Variants in IFT46 observed in about 807,000 individuals in gnomAD.
IFT46 encodes the protein intraflagellar transport protein 46 homolog.
Under a neutral mutation model 39.6 loss-of-function variants are expected in IFT46, and 19 were observed. That is an observed-to-expected ratio of 0.48 (90% CI 0.33 to 0.70). The LOEUF (loss-of-function observed/expected upper bound fraction) is 0.70. Ranked by LOEUF, IFT46 falls within the 30% of genes least tolerant of loss-of-function variation. The pLI is 0.01. For synonymous variants in IFT46, 117 were observed against 134.8 expected (o/e 0.87, Z 0.91); for missense variants, 334 against 364.8 (o/e 0.92, Z 0.69).
At chr11:118,562,594 T>A (rs1279626981) in intron 2 of IFT46, among the ~76,000 whole-genome samples, 1 of 152,148 alleles carries the variant, frequency 6.6e-6, no homozygotes, top group African/African-American at 2.4e-5. Flanking sequence ...AATTATAATA[T>A]CCACAGCTGT....
rs782457645 is a variant in IFT46, at chr11:118,552,333, T to C, written c.486A>G (p.Gln162=). Residue 162 remains glutamine (Q), a splice_region_variant and synonymous_variant, in exon 8 of 12, where the codon CAA becomes CAG. Transcript: ENST00000264021. ...CTTCTAGGCTTTTTACTTTCATATG[T>C]TGCTAGGAAAGTAAGGAGAAAGCCT... The part of the protein sequence containing the change: ...TENSKQHNIT[Q]HMKVKSLEDA... 1.9e-6 allele frequency: 3 copies of C among 1,614,096 alleles called. No homozygotes were observed. Among genetic ancestry groups the C allele is most frequent in the Middle Eastern group, 1.7e-4 (1 of 6,044 alleles).
chr11:118,545,416 T>A lies in IFT46; in HGVS notation c.812A>T (p.Asn271Ile), dbSNP rs1009843048. 6.2e-7 allele frequency: 1 copy of A among 1,609,946 alleles called. No individual in the cohort carries two copies. Among genetic ancestry groups the A allele is most frequent in the African/African-American group, 1.3e-5 (1 of 74,804 alleles). Reference sequence around the variant, plus strand: ...CCCTGATGCTTGGCTCACCTGTGAGTTCTTGAATTCTGAGTAGAGGGAAAA... The same window carrying A: ...CCCTGATGCTTGGCTCACCTGTGAGATCTTGAATTCTGAGTAGAGGGAAAA... The part of the protein sequence containing the change: ...LLFSLYSEFK[N>I]SQHFKALAEG... The change falls in exon 11 of 12, where the codon AAC becomes ATC. Residue 271 changes from asparagine to isoleucine, a missense_variant. By Grantham distance (149) the Asn-to-Ile change is moderately radical. Coordinates refer to ENST00000264021, the MANE Select transcript of IFT46 (RefSeq NM_001168618.2).
At chr11:118,560,782 TC>T in intron 2 of IFT46, 1 of 718,866 alleles carries the variant, frequency 1.4e-6, no homozygotes, top group Non-Finnish European at 2.5e-6. Flanking sequence ...CTGGTTACTA[TC>T]CTCAGAAATG....
chr11:118,561,390 T>C (rs868918383), intron 2 of IFT46: 28 of 834,864 alleles, frequency 3.4e-5, no homozygotes, highest in South Asian at 3.1e-4. Context: ...ACTCCAGACA[T>C]GATGGAAGAG....
upstream of IFT46, chr11:118,573,526 A>C (rs1938406929): frequency 1.9e-6 from 1 of 537,666 alleles, no homozygotes; most frequent in African/African-American, 2.0e-5. Context: ...CTTTGGTTTC[A>C]AAAAAGCTAG....
chr11:118,546,344 A>T, intron 9 of IFT46: 1 of 577,544 alleles, frequency 1.7e-6, no homozygotes, highest in African/African-American at 1.9e-5. Flanking sequence ...CAAAAAAATT[A>T]GCCGGGTGTG....
upstream of IFT46, chr11:118,573,712 G>T: frequency 5.7e-6 from 4 of 698,754 alleles, no homozygotes; most frequent in South Asian, 6.0e-5. Context: ...CAACCCTTTA[G>T]ATAAGAACTT....
intron 2 of IFT46, among the ~76,000 whole-genome samples, chr11:118,563,573 C>T (rs1450213768): frequency 1.3e-5 from 2 of 152,100 alleles, no homozygotes; most frequent in Non-Finnish European, 2.9e-5. Context: ...TCTTTATTCT[C>T]AGCTTCCTCA....
upstream of IFT46, among the ~76,000 whole-genome samples, chr11:118,567,094 AT>A (rs538399331): frequency 2.6e-5 from 4 of 151,662 alleles, no homozygotes; most frequent in Admixed American, 1.3e-4. Context: ...TAAAAAAAAA[AT>A]TTTTTTTAAT....
chr11:118,576,240 T>C (rs1938497696), upstream of IFT46, among the ~76,000 whole-genome samples: 1 of 151,846 alleles, frequency 6.6e-6, no homozygotes, highest in Non-Finnish European at 1.5e-5. Context: ...AAAGATAGTG[T>C]ACTCAAACCA....
At chr11:118,569,077 T>C (rs1458394647), upstream of IFT46, among the ~76,000 whole-genome samples, 1 of 149,226 alleles carries the variant, frequency 6.7e-6, no homozygotes, top group Non-Finnish European at 1.5e-5. Flanking sequence ...GGTTAGGAGT[T>C]CAAGACCAGC....
intron 11 of IFT46, 111 bp downstream of exon 11, chr11:118,545,298 T>A (rs1390978212): frequency 2.4e-6 from 2 of 848,632 alleles, no homozygotes; most frequent in African/African-American, 3.4e-5. Context: ...CGAAGGTAAC[T>A]GGGCAGAGAC....
At chr11:118,547,772 A>T (rs1320945646) in intron 9 of IFT46, among the ~76,000 whole-genome samples, 20 of 126,952 alleles carry the variant, frequency 1.6e-4, no homozygotes, top group African/African-American at 6.0e-4. Context: ...TTTGAGACAG[A>T]GTCTCACTCT....
upstream of IFT46, chr11:118,573,685 C>G (rs944355658): frequency 4.1e-5 from 29 of 702,482 alleles, 1 homozygote; most frequent in Admixed American, 5.8e-4. Flanking sequence ...GGTGGCAATC[C>G]TAATAAGTTC....
At position 118,572,772 on chromosome 11, in the gene IFT46, C is replaced by T. The variant is rs782033043; in HGVS notation, c.-309G>A. On this transcript the variant is annotated 5_prime_UTR_variant, in exon 1 of 6. Coordinates refer to the IFT46 transcript ENST00000528378. Reference sequence around the variant, plus strand: ...TGTCGTCGTGCCCGCTTCCGCACCACCCCCCAACCAGCTGGACTCCCTCGT... The same window carrying T: ...TGTCGTCGTGCCCGCTTCCGCACCATCCCCCAACCAGCTGGACTCCCTCGT... The T allele has an allele frequency of 1.9e-4, 92 of 484,822 alleles. No homozygotes were observed. In the East Asian group the frequency reaches 2.3e-3, roughly 12 times the overall value. The allele number at this position is 484,822 out of a possible 1,614,324, so 30.0% of individuals were successfully genotyped here.
chr11:118,565,149 C>A (rs1477679326), intron 1 of IFT46, 88 bp from the exon 2 acceptor site: 3 of 152,428 alleles, frequency 2.0e-5, no homozygotes, highest in Non-Finnish European at 4.4e-5. Flanking sequence ...GCATTGGCTC[C>A]TCTTCCTTAC....
chr11:118,561,391 G>C (rs1555070557), intron 2 of IFT46: 2 of 828,466 alleles, frequency 2.4e-6, no homozygotes, highest in Non-Finnish European at 2.1e-6. Flanking sequence ...CTCCAGACAT[G>C]ATGGAAGAGA....
chr11:118,552,362 T>G (rs1555068684), intron 7 of IFT46, 27 bp from the exon 8 acceptor site: 1 of 1,612,774 alleles, frequency 6.2e-7, no homozygotes, highest in South Asian at 1.1e-5. Flanking sequence ...AAAGCCTAGC[T>G]GATGGCACTG....
At chr11:118,563,082 C>T (rs115277891) in intron 2 of IFT46, among the ~76,000 whole-genome samples, 2 of 150,974 alleles carry the variant, frequency 1.3e-5, no homozygotes, top group Non-Finnish European at 2.9e-5. Context: ...AAAAAAAGTG[C>T]AATATACATG....
Sources: gnomAD v4.1 joint callset for allele counts (sites outside exome capture counted in the v4.1 genomes callset) on GRCh38, gnomAD v4.1.1 for gene constraint, MANE v1.5 for transcripts, NCBI Gene and HGNC (gene_info 2026-07-23, HGNC 2026-07-21) for gene names.